The following MYO16 variants were observed in gnomAD, a reference collection of about 807,000 sequenced individuals.
MYO16 encodes myosin XVI.
In MYO16, 94 loss-of-function variants were observed where a neutral mutation model predicts 205.3. The observed-to-expected ratio is 0.46, with a 90% CI of 0.39 to 0.54. The LOEUF (loss-of-function observed/expected upper bound fraction) is 0.54, where lower values mean the gene tolerates loss of function less well. Among genes scored for constraint, MYO16 ranks in the 20% least tolerant of loss-of-function variants. MYO16 has a pLI of 0.00. For synonymous variants in MYO16, 988 were observed against 954.0 expected (o/e 1.04, Z -0.66); for missense variants, 2,315 against 2,387.5 (o/e 0.97, Z 0.63).
At position 108,848,398 on chromosome 13, in the gene MYO16, G is replaced by A. The variant is rs866001311; in HGVS notation, c.1248+3905G>A. Among the ~76,000 whole-genome samples the A allele has an allele frequency of 3.3e-5, 5 of 152,192 alleles. No homozygotes were observed. In the South Asian group the frequency reaches 1.0e-3, roughly 31 times the overall value. ...TCAAAGCTTAGAAATGCGTTCACCT[G>A]CACTATCTTAATCCTCAAAATGTCA... On this transcript the variant is annotated intron_variant, in intron 10 of 34. Coordinates refer to ENST00000457511, the MANE Select transcript of MYO16 (RefSeq NM_001198950.3).
chr13:108,808,403 C>T (rs1887181319), intron 7 of MYO16, among the ~76,000 whole-genome samples: 1 of 151,886 alleles, frequency 6.6e-6, no homozygotes, highest in Admixed American at 6.6e-5. Context: ...CCTCCGCCTC[C>T]TGAGTTCAAG....
At chr13:109,138,653 G>C (rs1261249572) in intron 31 of MYO16, among the ~76,000 whole-genome samples, 1 of 151,900 alleles carries the variant, frequency 6.6e-6, no homozygotes. Context: ...TTATTCTCTT[G>C]GTTTCCCTGT....
At chr13:109,114,758 C>G (rs1258403383) in intron 28 of MYO16, among the ~76,000 whole-genome samples, 1 of 152,176 alleles carries the variant, frequency 6.6e-6, no homozygotes, top group Non-Finnish European at 1.5e-5. Flanking sequence ...TCTGTCAAAG[C>G]AGAACCATGT....
chr13:109,181,706 T>A (rs940352651), intron 34 of MYO16, among the ~76,000 whole-genome samples: 5 of 152,080 alleles, frequency 3.3e-5, no homozygotes, highest in East Asian at 3.8e-4. Flanking sequence ...GTCCACAGTT[T>A]GAATGGAAAT....
At chr13:109,024,105 A>G (rs926799184) in intron 23 of MYO16, among the ~76,000 whole-genome samples, 5 of 148,686 alleles carry the variant, frequency 3.4e-5, no homozygotes, top group Non-Finnish European at 7.4e-5. Flanking sequence ...ATAAAAATGT[A>G]TACATTTTAA....
intron 23 of MYO16, among the ~76,000 whole-genome samples, chr13:109,021,533 A>C (rs945638659): frequency 1.3e-5 from 2 of 152,166 alleles, no homozygotes; most frequent in African/African-American, 4.8e-5. Flanking sequence ...GTGCCATCAT[A>C]ACAGACTGGT....
chr13:109,027,372 G>A (rs933852568), intron 23 of MYO16, among the ~76,000 whole-genome samples: 4 of 152,306 alleles, frequency 2.6e-5, no homozygotes, highest in Non-Finnish European at 5.9e-5. Flanking sequence ...CTGGGTGGAC[G>A]TGAATTTTAG....
intron 27 of MYO16, among the ~76,000 whole-genome samples, chr13:109,076,377 T>A (rs1334394001): frequency 6.6e-6 from 1 of 152,164 alleles, no homozygotes; most frequent in Non-Finnish European, 1.5e-5. Flanking sequence ...AATATAAACA[T>A]TTAATGTAAA....
intron 27 of MYO16, among the ~76,000 whole-genome samples, chr13:109,074,992 T>C (rs1334874840): frequency 6.6e-6 from 1 of 152,218 alleles, no homozygotes; most frequent in Non-Finnish European, 1.5e-5. Context: ...TGCGTCTGGT[T>C]TCCTTCACTC....
chr13:109,061,918 A>C (rs1347999633), intron 27 of MYO16, among the ~76,000 whole-genome samples: 1 of 152,104 alleles, frequency 6.6e-6, no homozygotes, highest in Non-Finnish European at 1.5e-5. Flanking sequence ...CTGTTTCCTT[A>C]ATGTTATTAG....
At chr13:108,874,702 T>C (rs753290948) in intron 12 of MYO16, among the ~76,000 whole-genome samples, 1,548 of 77,204 alleles carry the variant, frequency 0.02, 16 homozygotes, top group African/African-American at 0.043. Context: ...TCATCATTAT[T>C]ATTATTATTA....
At chr13:108,543,228 T>C in the MYO16 span, among the ~76,000 whole-genome samples, 6 of 152,198 alleles carry the variant, frequency 3.9e-5, no homozygotes, top group Admixed American at 3.9e-4. Context: ...TTTCCAAGTA[T>C]TAAAGTTTAA....
intron 23 of MYO16, among the ~76,000 whole-genome samples, chr13:109,030,818 A>T (rs1477516934): frequency 6.6e-6 from 1 of 151,876 alleles, no homozygotes; most frequent in Non-Finnish European, 1.5e-5. Context: ...CTCTCAACTC[A>T]CCTCAAAAAA....
intron 27 of MYO16, among the ~76,000 whole-genome samples, chr13:109,065,984 T>C (rs1027415946): frequency 6.6e-6 from 1 of 152,138 alleles, no homozygotes; most frequent in Non-Finnish European, 1.5e-5. Context: ...TGAGGGACCG[T>C]GAGCTGTGTT....
At chr13:108,985,524 A>G (rs894116331) in intron 20 of MYO16, among the ~76,000 whole-genome samples, 3 of 152,230 alleles carry the variant, frequency 2.0e-5, no homozygotes, top group African/African-American at 7.2e-5. Context: ...GAGACCAGAT[A>G]TAACTCTTAA....
At position 108,992,392 on chromosome 13, in the gene MYO16, A is replaced by G. The variant is rs751386203; in HGVS notation, c.2386A>G (p.Ile796Val). ...DEQKSMQTLD[I>V]GILDIFGFEE... ...TTGTTTCAGCATGCAGACATTGGAT[A>G]TTGGAATATTGGACATTTTTGGTTT... is the stretch of plus-strand genomic sequence containing the variant. Residue 796 changes from isoleucine (I) to valine (V), a missense_variant, in exon 21 of 35, where the codon ATT becomes GTT. By Grantham distance (29) the Ile-to-Val change is conservative. Transcript: ENST00000457511. 6.2e-7 allele frequency: 1 copy of G among 1,609,694 alleles called. No homozygotes were observed. Among genetic ancestry groups the G allele is most frequent in the South Asian group, 1.1e-5 (1 of 90,860 alleles).
chr13:108,995,000 T>C (rs1884957851), intron 21 of MYO16, among the ~76,000 whole-genome samples: 1 of 152,206 alleles, frequency 6.6e-6, no homozygotes, highest in African/African-American at 2.4e-5. Flanking sequence ...AAAGATTAAA[T>C]GGATTCTCAT....
chr13:108,792,652 T>G (rs1886652784), intron 5 of MYO16, among the ~76,000 whole-genome samples: 1 of 151,984 alleles, frequency 6.6e-6, no homozygotes, highest in Non-Finnish European at 1.5e-5. Flanking sequence ...GCTGGGATTA[T>G]AGACACTTGC....
chr13:109,125,353 C>CA lies in MYO16; in HGVS notation c.3781dup (p.Arg1261LysfsTer4), dbSNP rs1199806243. The CA allele has an allele frequency of 6.2e-7, 1 of 1,613,948 alleles. No individual in the cohort carries two copies. ...TCAGGAACATGCAAGAGGAAGGAAG[C>CA]AAAAGGTAAAGGCAGAGAGCATGCA... On this transcript the variant is annotated frameshift_variant, in exon 30 of 35. Transcript: ENST00000457511. LOFTEE classifies it high-confidence loss of function. The surrounding 1 kb of genome is among the most constrained non-coding windows in gnomAD (Gnocchi z 4.0).
Sources: allele counts gnomAD v4.1 joint callset (sites outside exome capture counted in the v4.1 genomes callset), GRCh38; gene constraint gnomAD v4.1.1; non-coding constraint Gnocchi (gnomAD v3.1); transcripts MANE v1.5; gene names NCBI Gene and HGNC (gene_info 2026-07-23, HGNC 2026-07-21).